Variants in SFXN5 observed in about 807,000 individuals in gnomAD.
SFXN5 encodes the protein sideroflexin-5.
Under a neutral mutation model 50.2 loss-of-function variants are expected in SFXN5, and 43 were observed. The observed-to-expected ratio is 0.86, with a 90% CI of 0.67 to 1.11. The LOEUF (loss-of-function observed/expected upper bound fraction) is 1.11, where lower values mean the gene tolerates loss of function less well. SFXN5 is among the 50% of genes least tolerant of loss of function. The probability of loss-of-function intolerance (pLI) is 0.00; values close to 1 mark genes in which losing one functional copy is unlikely to be tolerated. For synonymous variants in SFXN5, 203 were observed against 185.8 expected, an observed-to-expected ratio of 1.09 and a Z score of -0.75; for missense variants, 463 against 454.1, an observed-to-expected ratio of 1.02 and a Z score of -0.18.
At chr2:73,022,309 C>G (rs1021522578) in intron 5 of SFXN5, among the ~76,000 whole-genome samples, 15 of 152,170 alleles carry the variant, frequency 9.9e-5, no homozygotes, top group Admixed American at 8.5e-4. Context: ...CCCAACTGCT[C>G]AGGCAGAAAA....
chr2:72,988,196 G>A, intron 10 of SFXN5, 62 bp downstream of exon 10: 1 of 1,493,384 alleles, frequency 6.7e-7, no homozygotes, highest in South Asian at 1.2e-5. Context: ...CTGTCTCCCT[G>A]GGAGCCCAGC....
intron 13 of SFXN5, among the ~76,000 whole-genome samples, chr2:72,951,338 G>A (rs574258236): frequency 2.7e-4 from 41 of 152,020 alleles, no homozygotes; most frequent in African/African-American, 9.9e-4. Context: ...CAGACATGGA[G>A]CATCCTATCC....
At chr2:73,071,318 C>T (rs2106088360) in intron 1 of SFXN5, 1 of 428,600 alleles carries the variant, frequency 2.3e-6, no homozygotes, top group East Asian at 4.6e-5. Flanking sequence ...TGACCGCAGC[C>T]GCCGGTGGCC....
intron 1 of SFXN5, among the ~76,000 whole-genome samples, chr2:73,069,088 CT>C (rs1683386625): frequency 6.6e-6 from 1 of 152,038 alleles, no homozygotes; most frequent in African/African-American, 2.4e-5. Context: ...GCCATGCATA[CT>C]TTGGGGGCCC....
intron 13 of SFXN5, among the ~76,000 whole-genome samples, chr2:72,951,380 G>C (rs1672517359): frequency 6.6e-6 from 1 of 152,300 alleles, no homozygotes; most frequent in African/African-American, 2.4e-5. Flanking sequence ...GCACCCTAAG[G>C]CCCAGCTAGA....
chr2:73,004,073 T>C (rs1273965347), intron 6 of SFXN5, among the ~76,000 whole-genome samples: 1 of 152,184 alleles, frequency 6.6e-6, no homozygotes, highest in East Asian at 1.9e-4. Flanking sequence ...AACTGAGGCT[T>C]AGAGAAATTC....
At chr2:73,028,324 A>G (rs1677861777) in intron 3 of SFXN5, among the ~76,000 whole-genome samples, 1 of 152,198 alleles carries the variant, frequency 6.6e-6, no homozygotes, top group Non-Finnish European at 1.5e-5. Flanking sequence ...CTCAGCTCAC[A>G]TGTGGTCCTG....
At chr2:73,046,125 T>C (rs1559197462) in intron 2 of SFXN5, among the ~76,000 whole-genome samples, 3 of 152,116 alleles carry the variant, frequency 2.0e-5, no homozygotes, top group Non-Finnish European at 4.4e-5. Context: ...AAGCGATATG[T>C]TGGCCGGGTG....
In SFXN5 at chr2:72,992,003, G is replaced by T. The variant is rs1309895391; in HGVS notation, c.535-3655C>A. Reference sequence around the variant, plus strand: ...TTGGTAGATGGGGAAAACAAACAGGGTGTGGATTTTGCACAAGAATTTCTT... The same window carrying T: ...TTGGTAGATGGGGAAAACAAACAGGTTGTGGATTTTGCACAAGAATTTCTT... On this transcript the variant is annotated intron_variant, in intron 9 of 13. Transcript: ENST00000272433. This position sits in a 1 kb window ranked among gnomAD's most constrained non-coding sequence, Gnocchi z 4.5. Among the ~76,000 whole-genome samples the T allele has an allele frequency of 1.3e-5, 2 of 152,226 alleles. No individual in the cohort carries two copies. The highest frequency in any genetic ancestry group is 3.8e-4 in the East Asian group (2 of 5,198).
At chr2:73,006,141 C>T (rs558397463) in intron 6 of SFXN5, among the ~76,000 whole-genome samples, 2 of 151,890 alleles carry the variant, frequency 1.3e-5, no homozygotes, top group South Asian at 4.1e-4. Context: ...CCCTGCTGAG[C>T]ATCTGAGGTT....
intron 1 of SFXN5, among the ~76,000 whole-genome samples, chr2:73,063,064 T>C (rs1402189155): frequency 2.6e-5 from 4 of 152,176 alleles, no homozygotes; most frequent in Non-Finnish European, 5.9e-5. Flanking sequence ...GATGCCTCAC[T>C]TTCTAGTGAG....
intron 2 of SFXN5, among the ~76,000 whole-genome samples, chr2:73,055,808 C>T (rs1682032381): frequency 6.6e-6 from 1 of 152,000 alleles, no homozygotes; most frequent in Non-Finnish European, 1.5e-5. Context: ...CAGTAGAGAC[C>T]GGGTTTCACC....
chr2:72,959,413 G>T (rs1040486848), intron 13 of SFXN5, among the ~76,000 whole-genome samples: 1 of 151,714 alleles, frequency 6.6e-6, no homozygotes, highest in East Asian at 1.9e-4. Flanking sequence ...GAACAGGCCC[G>T]GCTGCACTCC....
chr2:73,052,359 CGTGTGTGTGTGTGT>C (rs59839344), intron 2 of SFXN5, among the ~76,000 whole-genome samples: 6 of 142,454 alleles, frequency 4.2e-5, no homozygotes, highest in Admixed American at 1.4e-4. Flanking sequence ...TGTGTGTATG[CGTGTGTGTGTGTGT>C]GTGTGTGTGT....
At chr2:73,047,664 C>T (rs1226019853) in intron 2 of SFXN5, among the ~76,000 whole-genome samples, 2 of 152,090 alleles carry the variant, frequency 1.3e-5, no homozygotes, top group Non-Finnish European at 2.9e-5. Flanking sequence ...TAAGATGTGA[C>T]TTTGCTCCTC....
chr2:72,990,189 TG>T (rs1672409700), intron 9 of SFXN5, among the ~76,000 whole-genome samples: 1 of 152,244 alleles, frequency 6.6e-6, no homozygotes, highest in Admixed American at 6.5e-5. Flanking sequence ...CTTCCTGGCA[TG>T]CCCACCCTGG....
At chr2:72,995,271 T>C (rs1217089665) in intron 9 of SFXN5, among the ~76,000 whole-genome samples, 1 of 152,238 alleles carries the variant, frequency 6.6e-6, no homozygotes, top group Non-Finnish European at 1.5e-5. Context: ...TGAGAGAGGC[T>C]TCCTTTGTTA....
At chr2:72,962,157 C>T (rs184059608) in intron 12 of SFXN5, among the ~76,000 whole-genome samples, 2 of 152,330 alleles carry the variant, frequency 1.3e-5, no homozygotes, top group African/African-American at 4.8e-5. Context: ...CCTGGGGAGG[C>T]CTGGGATGAC....
intron 1 of SFXN5, among the ~76,000 whole-genome samples, chr2:73,064,221 C>G (rs1683014856): frequency 6.6e-6 from 1 of 152,268 alleles, no homozygotes; most frequent in Non-Finnish European, 1.5e-5. Flanking sequence ...CTCCAAATTA[C>G]TGCTCTTCGA....
Sources: allele counts gnomAD v4.1 joint callset (sites outside exome capture counted in the v4.1 genomes callset), GRCh38; gene constraint gnomAD v4.1.1; non-coding constraint Gnocchi (gnomAD v3.1); transcripts MANE v1.5; gene names NCBI Gene and HGNC (gene_info 2026-07-23, HGNC 2026-07-21).